The following NEGR1 variants were observed in gnomAD, a reference collection of about 807,000 sequenced individuals.
The protein encoded by NEGR1 is neuronal growth regulator 1.
Under a neutral mutation model 40.9 loss-of-function variants are expected in NEGR1, and 10 were observed. That is an observed-to-expected ratio of 0.24 (90% confidence interval 0.15 to 0.42). NEGR1 has a LOEUF of 0.42. Among genes scored for constraint, NEGR1 ranks in the 10% least tolerant of loss-of-function variants. NEGR1 has a pLI of 1.00. For synonymous variants in NEGR1, 185 were observed against 166.8 expected, an observed-to-expected ratio of 1.11 and a Z score of -0.84; for missense variants, 352 against 438.9, an observed-to-expected ratio of 0.80 and a Z score of 1.77.
At chr1:72,263,231 T>C (rs980361003) in intron 1 of NEGR1, among the ~76,000 whole-genome samples, 1 of 151,634 alleles carries the variant, frequency 6.6e-6, no homozygotes, top group African/African-American at 2.4e-5. Context: ...AACAAAAGTC[T>C]TTCTCAACAC....
chr1:72,151,627 G>A (rs1651127232), intron 1 of NEGR1, among the ~76,000 whole-genome samples: 1 of 151,656 alleles, frequency 6.6e-6, no homozygotes, highest in Non-Finnish European at 1.5e-5. Context: ...GGAAGTTTCA[G>A]TCAATGCAAT....
intron 1 of NEGR1, among the ~76,000 whole-genome samples, chr1:72,239,975 C>T (rs1654681667): frequency 6.6e-6 from 1 of 151,656 alleles, no homozygotes; most frequent in African/African-American, 2.4e-5. Context: ...CACAAAACCC[C>T]CAAAATTTTT....
intron 1 of NEGR1, among the ~76,000 whole-genome samples, chr1:72,132,035 G>A (rs1650275282): frequency 6.6e-6 from 1 of 151,994 alleles, no homozygotes; most frequent in Admixed American, 6.6e-5. Flanking sequence ...GGAGGTGGAG[G>A]GTACAGTGAG....
At chr1:71,906,339 G>A (rs12042645) in intron 2 of NEGR1, among the ~76,000 whole-genome samples, 1 of 151,586 alleles carries the variant, frequency 6.6e-6, no homozygotes, top group Non-Finnish European at 1.5e-5. Flanking sequence ...ACCAACTCAA[G>A]AGCTTATCCA....
At chr1:72,092,119 G>T (rs527445476) in intron 1 of NEGR1, among the ~76,000 whole-genome samples, 2 of 152,122 alleles carry the variant, frequency 1.3e-5, no homozygotes, top group Non-Finnish European at 2.9e-5. Flanking sequence ...GAGTAGTGGT[G>T]GGGTGGGTGG....
At chr1:72,189,999 C>G (rs1028586436) in intron 1 of NEGR1, among the ~76,000 whole-genome samples, 2 of 151,608 alleles carry the variant, frequency 1.3e-5, no homozygotes, top group South Asian at 4.1e-4. Context: ...TCCTCATTTA[C>G]TTATTTCTTT....
At chr1:71,867,159 A>G (rs571032492) in intron 2 of NEGR1, among the ~76,000 whole-genome samples, 1 of 152,240 alleles carries the variant, frequency 6.6e-6, no homozygotes, top group East Asian at 1.9e-4. Context: ...TTGAGACTTG[A>G]GGTCAGGAGT....
chr1:71,423,939 T>C (rs796513191), intron 6 of NEGR1, among the ~76,000 whole-genome samples: 5 of 151,766 alleles, frequency 3.3e-5, no homozygotes, highest in African/African-American at 1.2e-4. Context: ...ATAGGCGCTA[T>C]AGGAGGGGTT....
At chr1:71,424,641 A>G (rs1009279605) in intron 6 of NEGR1, among the ~76,000 whole-genome samples, 2 of 152,120 alleles carry the variant, frequency 1.3e-5, no homozygotes, top group African/African-American at 4.8e-5. Context: ...GGTGGCAAAA[A>G]CCCAGAGATT....
chr1:72,057,617 A>G (rs1647123690), intron 1 of NEGR1, among the ~76,000 whole-genome samples: 1 of 151,498 alleles, frequency 6.6e-6, no homozygotes, highest in African/African-American at 2.4e-5. Context: ...GGGCCCCTCC[A>G]GCCCCTCAAC....
intron 3 of NEGR1, among the ~76,000 whole-genome samples, chr1:71,742,336 G>GA (rs561371350): frequency 2.1e-3 from 324 of 152,216 alleles, no homozygotes; most frequent in Admixed American, 3.9e-3. Context: ...CCCTCACCTA[G>GA]AAAATCTATA....
chr1:71,629,098 C>A (rs1650886693), intron 4 of NEGR1, among the ~76,000 whole-genome samples: 1 of 151,902 alleles, frequency 6.6e-6, no homozygotes. Flanking sequence ...TTACTGGTTG[C>A]CATTCTAACT....
chr1:71,949,217 C>T (rs999486316), intron 1 of NEGR1, among the ~76,000 whole-genome samples: 1 of 152,082 alleles, frequency 6.6e-6, no homozygotes, highest in Non-Finnish European at 1.5e-5. Context: ...ACTGAAATGT[C>T]TCATGTGATA....
At chr1:72,272,251 T>G (rs1329017044) in intron 1 of NEGR1, among the ~76,000 whole-genome samples, 1 of 151,748 alleles carries the variant, frequency 6.6e-6, no homozygotes, top group African/African-American at 2.4e-5. Context: ...TTCTTCCTCT[T>G]CCCTTCCTCC....
chr1:72,095,909 T>C (rs1648679171), intron 1 of NEGR1, among the ~76,000 whole-genome samples: 1 of 152,192 alleles, frequency 6.6e-6, no homozygotes, highest in Non-Finnish European at 1.5e-5. Context: ...TCTTTTCCTT[T>C]CCACTTTTAA....
At chr1:71,573,685 T>C (rs1041145826) in intron 6 of NEGR1, 1 of 152,182 alleles carries the variant, frequency 6.6e-6, no homozygotes, top group Non-Finnish European at 1.5e-5. Flanking sequence ...TATTCTAGGG[T>C]CTACTCAGAA....
intron 1 of NEGR1, among the ~76,000 whole-genome samples, chr1:71,952,167 G>A (rs1186236844): frequency 1.3e-5 from 2 of 151,940 alleles, no homozygotes; most frequent in Non-Finnish European, 2.9e-5. Flanking sequence ...AATGATTAAG[G>A]TTAGTGAGGA....
chr1:72,259,843 A>G (rs1229833829), intron 1 of NEGR1, among the ~76,000 whole-genome samples: 3 of 152,102 alleles, frequency 2.0e-5, no homozygotes, highest in Non-Finnish European at 4.4e-5. Context: ...CAAAATCGCT[A>G]TGCAGGTAGA....
In NEGR1 at chr1:71,858,193, T is replaced by C. The variant is rs150434612; in HGVS notation, c.409+76886A>G. Among the ~76,000 whole-genome samples the C allele has an allele frequency of 3.7e-3, 562 of 152,200 alleles. 6 individuals carry two copies. The highest frequency in any genetic ancestry group is 0.013 in the African/African-American group (538 of 41,544). ...GGGTCTATAGCCTAGAGAGCTACTATTGAGACATCCTTCTCCTACACTTAT... is the reference window on the plus strand; with the variant it reads ...GGGTCTATAGCCTAGAGAGCTACTACTGAGACATCCTTCTCCTACACTTAT... On this transcript the variant is annotated intron_variant, in intron 2 of 6. Coordinates refer to ENST00000357731, the MANE Select transcript of NEGR1 (RefSeq NM_173808.3).
Sources: allele counts gnomAD v4.1 joint callset (sites outside exome capture counted in the v4.1 genomes callset), GRCh38; gene constraint gnomAD v4.1.1; transcripts MANE v1.5; gene names NCBI Gene and HGNC (gene_info 2026-07-23, HGNC 2026-07-21).